The following OSTN variants were observed in gnomAD, a reference collection of about 807,000 sequenced individuals.
The protein encoded by OSTN is osteocrin.
In OSTN, 9 loss-of-function variants were observed where a neutral mutation model predicts 12.0. The observed-to-expected ratio is 0.75, with a 90% CI of 0.45 to 1.30. The LOEUF is 1.30. Ranked by LOEUF, OSTN falls within the 50% of genes most tolerant of loss-of-function variation. The probability of loss-of-function intolerance (pLI) is 0.00; values close to 1 mark genes in which losing one functional copy is unlikely to be tolerated. For synonymous variants in OSTN, 59 were observed against 56.9 expected, an observed-to-expected ratio of 1.04 and a Z score of -0.16; for missense variants, 148 against 152.3, an observed-to-expected ratio of 0.97 and a Z score of 0.15.
At chr3:191,236,548 CAA>C (rs372187310) in intron 3 of OSTN, among the ~76,000 whole-genome samples, 1 of 133,662 alleles carries the variant, frequency 7.5e-6, no homozygotes. Flanking sequence ...GATAATAACG[CAA>C]AAAAAAAAAC....
intron 3 of OSTN, among the ~76,000 whole-genome samples, chr3:191,241,411 C>T (rs917125664): frequency 2.0e-5 from 3 of 151,884 alleles, no homozygotes; most frequent in African/African-American, 7.3e-5. Context: ...GTCTCGATCT[C>T]CTGACCTCGT....
chr3:191,221,632 G>A (rs1228433343), intron 3 of OSTN, among the ~76,000 whole-genome samples: 1 of 151,900 alleles, frequency 6.6e-6, no homozygotes, highest in Non-Finnish European at 1.5e-5. Flanking sequence ...GGTATCTAGT[G>A]GAAGAAATTT....
Position 191,264,654 on chromosome 3 carries a change from C to T in OSTN, c.*1801C>T, listed in dbSNP as rs1474430886. On this transcript the variant is annotated 3_prime_UTR_variant, in exon 5 of 5. Transcript: ENST00000682035. Reference sequence around the variant, plus strand: ...AAGAAGTTGTGATATCCTTGTCTGCCTTTCCCCAACCTTGTGATGAACTAT... The same window carrying T: ...AAGAAGTTGTGATATCCTTGTCTGCTTTTCCCCAACCTTGTGATGAACTAT... 1 of 152,118 alleles carries T rather than the reference C, an allele frequency of 6.6e-6. No individual in the cohort carries two copies. The highest frequency in any genetic ancestry group is 2.4e-5 in the African/African-American group (1 of 41,436). The allele number at this position is 152,118 out of a possible 1,614,324, so 9.4% of individuals were successfully genotyped here. A position where few individuals can be genotyped will look rare whatever the true frequency, so the allele number is the denominator to read the frequency against.
intron 4 of OSTN, among the ~76,000 whole-genome samples, chr3:191,257,889 T>G (rs1560126575): frequency 6.6e-6 from 1 of 152,188 alleles, no homozygotes; most frequent in Admixed American, 6.5e-5. Context: ...TAAACATGTA[T>G]AGCTATAAAT....
At chr3:191,249,952 C>A in intron 3 of OSTN, 85 bp from the exon 4 acceptor site, 1 of 1,008,210 alleles carries the variant, frequency 9.9e-7, no homozygotes, top group Admixed American at 1.8e-5. Context: ...AAAGAAAGCC[C>A]CCAGAGCTAC....
chr3:191,206,714 A>T (rs1481679105), intron 1 of OSTN, among the ~76,000 whole-genome samples: 1 of 152,236 alleles, frequency 6.6e-6, no homozygotes, highest in Non-Finnish European at 1.5e-5. Flanking sequence ...ATCACTAAAT[A>T]GCAACAGAGG....
intron 3 of OSTN, among the ~76,000 whole-genome samples, chr3:191,246,403 T>C (rs1306217125): frequency 6.6e-6 from 1 of 151,598 alleles, no homozygotes; most frequent in East Asian, 1.9e-4. Context: ...GTCAGGAGTT[T>C]GAGACCAGCC....
intron 4 of OSTN, among the ~76,000 whole-genome samples, chr3:191,261,101 C>A (rs962295521): frequency 6.6e-6 from 1 of 152,074 alleles, no homozygotes; most frequent in Admixed American, 6.5e-5. Flanking sequence ...CTTGGGTTCT[C>A]GTAACTGTGA....
chr3:191,212,398 A>G (rs767093245), intron 1 of OSTN, 135 bp from the exon 2 acceptor site: 2 of 367,222 alleles, frequency 5.4e-6, no homozygotes, highest in East Asian at 4.2e-5. Context: ...TACGTTTTGT[A>G]GAGATGCACT....
intron 1 of OSTN, among the ~76,000 whole-genome samples, chr3:191,205,850 T>G (rs141169602): frequency 2.0e-4 from 31 of 152,158 alleles, no homozygotes; most frequent in Admixed American, 5.9e-4. Context: ...ATGAGCATAC[T>G]GACTTATGCA....
rs149642518 is a variant in OSTN, at chr3:191,231,787, C to T, written c.317+12826C>T. Among the ~76,000 whole-genome samples the T allele has an allele frequency of 3.9e-5, 6 of 152,254 alleles. No homozygotes were observed. The East Asian group carries it at 1.2e-3, about 29-fold the overall frequency. On this transcript the variant is annotated intron_variant, in intron 3 of 4. Transcript: ENST00000682035. ...ATACTCTGTGCTTAAAGATCACATA[C>T]ATCACTTAATTCAGGGATTCATAAA... is the stretch of plus-strand genomic sequence containing the variant.
chr3:191,222,810 G>A lies in OSTN; in HGVS notation c.317+3849G>A, dbSNP rs1714803411. 2.0e-5 allele frequency among the ~76,000 whole-genome samples: 3 copies of A among 151,982 alleles called. No homozygotes were observed. The South Asian group carries it at 6.2e-4, about 32-fold the overall frequency. ...CAGTGGGAGGTAATTGAATCATGGGGGTGGCTACCCCCATGCTGCTGTTCT... is the reference window on the plus strand; with the variant it reads ...CAGTGGGAGGTAATTGAATCATGGGAGTGGCTACCCCCATGCTGCTGTTCT... On this transcript the variant is annotated intron_variant, in intron 3 of 4. Transcript: ENST00000682035.
chr3:191,241,307 C>T (rs1006527989), intron 3 of OSTN, among the ~76,000 whole-genome samples: 2 of 151,012 alleles, frequency 1.3e-5, no homozygotes, highest in African/African-American at 2.4e-5. Context: ...GCCTACCTAC[C>T]GAGTAGATGG....
At position 191,212,605 on chromosome 3, in the gene OSTN, G is replaced by T. The variant is rs377021482; in HGVS notation, c.73G>T (p.Val25Phe). ...ACTGACACTGTGGAGCTCAGGAAAAGTCCTCTCAGTAGATGTAACAACAAC... is the reference window on the plus strand; with the variant it reads ...ACTGACACTGTGGAGCTCAGGAAAATTCCTCTCAGTAGATGTAACAACAAC... ...VTLTLWSSGK[V>F]LSVDVTTTEA... The change falls in exon 2 of 5, where the codon GTC (valine) becomes TTC (phenylalanine). Residue 25 changes from valine to phenylalanine, a missense_variant. Physicochemically the swap from Val to Phe is conservative, Grantham distance 50 (BLOSUM62 -1). Transcript: ENST00000682035. 6.3e-7 allele frequency: 1 copy of T among 1,584,366 alleles called. No individual in the cohort carries two copies. The highest frequency in any genetic ancestry group is 1.3e-5 in the African/African-American group (1 of 74,548).
At chr3:191,228,890 C>T (rs901773084) in intron 3 of OSTN, 1 of 152,076 alleles carries the variant, frequency 6.6e-6, no homozygotes, top group African/African-American at 2.4e-5. Context: ...ATTTTGCAAA[C>T]CCTAATGAAA....
intron 4 of OSTN, among the ~76,000 whole-genome samples, chr3:191,256,141 C>T (rs1715665063): frequency 6.6e-6 from 1 of 151,902 alleles, no homozygotes; most frequent in Admixed American, 6.6e-5. Flanking sequence ...TAGCATATAA[C>T]AATTTAACAT....
chr3:191,241,005 A>G (rs1178277952), intron 3 of OSTN, among the ~76,000 whole-genome samples: 1 of 152,144 alleles, frequency 6.6e-6, no homozygotes, highest in Admixed American at 6.5e-5. Context: ...TCCACCTTGG[A>G]GCCTGGCTAG....
intron 3 of OSTN, among the ~76,000 whole-genome samples, chr3:191,222,215 C>T (rs1714783413): frequency 6.6e-6 from 1 of 152,214 alleles, no homozygotes. Context: ...CACATAGAGT[C>T]CCCACTGCCT....
intron 2 of OSTN, among the ~76,000 whole-genome samples, chr3:191,212,961 C>T (rs1385068835): frequency 1.4e-5 from 2 of 145,850 alleles, no homozygotes; most frequent in Non-Finnish European, 3.0e-5. Context: ...ACTTCCACCT[C>T]CCAGGTTCAA....
Sources: gnomAD v4.1 joint callset for allele counts (sites outside exome capture counted in the v4.1 genomes callset) on GRCh38, gnomAD v4.1.1 for gene constraint, MANE v1.5 for transcripts, NCBI Gene and HGNC (gene_info 2026-07-23, HGNC 2026-07-21) for gene names.